CAMK2D: variants seen among roughly 807,000 people sequenced by gnomAD.
CAMK2D encodes the protein calcium/calmodulin dependent protein kinase II delta.
A neutral mutation model predicts 84.0 loss-of-function variants in CAMK2D; 37 were observed. The observed-to-expected ratio is 0.44, with a 90% CI of 0.34 to 0.58. The LOEUF (loss-of-function observed/expected upper bound fraction) is 0.58, where lower values mean the gene tolerates loss of function less well. CAMK2D is among the 20% of genes least tolerant of loss of function. The pLI is 0.02. For synonymous variants in CAMK2D, 202 were observed against 212.5 expected, an observed-to-expected ratio of 0.95 and a Z score of 0.43; for missense variants, 448 against 652.5, an observed-to-expected ratio of 0.69 and a Z score of 3.41.
chr4:113,552,106 TA>T lies in CAMK2D; in HGVS notation c.276-11del. ...TTCACCTCCAGTAACTCTGGGAAGA[TA>T]AAAAACATAATCACTTTTAAAAAGA... On this transcript the variant is annotated splice_polypyrimidine_tract_variant and intron_variant, in intron 4 of 20. Transcript: ENST00000511664. 2 of 1,498,334 alleles carry T rather than the reference TA, an allele frequency of 1.3e-6. No homozygotes were observed. Among genetic ancestry groups the T allele is most frequent in the Non-Finnish European group, 1.8e-6 (2 of 1,084,054 alleles). The allele number at this position is 1,498,334 out of a possible 1,614,324, so 92.8% of individuals were successfully genotyped here. A position where few individuals can be genotyped will look rare whatever the true frequency, so the allele number is the denominator to read the frequency against.
intron 16 of CAMK2D, among the ~76,000 whole-genome samples, chr4:113,471,980 A>G (rs1292460291): frequency 6.6e-6 from 1 of 152,086 alleles, no homozygotes; most frequent in Non-Finnish European, 1.5e-5. Flanking sequence ...TGGCTCTTTG[A>G]TAACTGTACT....
chr4:113,566,029 G>A (rs2098722206), intron 4 of CAMK2D, among the ~76,000 whole-genome samples: 1 of 152,042 alleles, frequency 6.6e-6, no homozygotes, highest in Non-Finnish European at 1.5e-5. Flanking sequence ...TATTTATTCT[G>A]TGAAGTTATT....
At chr4:113,596,512 T>C (rs1357187160) in intron 4 of CAMK2D, among the ~76,000 whole-genome samples, 1 of 152,186 alleles carries the variant, frequency 6.6e-6, no homozygotes, top group Non-Finnish European at 1.5e-5. Context: ...TTAATAATAA[T>C]ACTTAAAAGA....
At chr4:113,694,171 A>G (rs1469428013) in intron 2 of CAMK2D, among the ~76,000 whole-genome samples, 1 of 152,200 alleles carries the variant, frequency 6.6e-6, no homozygotes, top group Non-Finnish European at 1.5e-5. Context: ...TGGAAATACC[A>G]TATGATATCA....
rs545349221 is a variant in CAMK2D at position 113,575,488 on chromosome 4, A to T, written c.276-23392T>A. ...AATATAATTTTCTTAAAGACCCCGG[A>T]TCATAATTATGATTATACAATTCTG... On this transcript the variant is annotated intron_variant, in intron 4 of 20. Transcript: ENST00000511664. Among the ~76,000 whole-genome samples, 3 of 152,330 alleles carry T rather than the reference A, an allele frequency of 2.0e-5. No individual in the cohort carries two copies. In the South Asian group the frequency reaches 6.2e-4, roughly 32 times the overall value.
At chr4:113,538,017 A>G (rs1336413111) in intron 6 of CAMK2D, among the ~76,000 whole-genome samples, 4 of 152,128 alleles carry the variant, frequency 2.6e-5, no homozygotes, top group Non-Finnish European at 5.9e-5. Context: ...TGTCTTTAAG[A>G]ATCTGTTTAT....
intron 2 of CAMK2D, among the ~76,000 whole-genome samples, chr4:113,682,071 A>C (rs1049342565): frequency 3.9e-5 from 6 of 152,172 alleles, no homozygotes; most frequent in African/African-American, 1.4e-4. Flanking sequence ...GAAATTGCTA[A>C]GCTTAATTTT....
At chr4:113,691,539 G>A (rs946756789) in intron 2 of CAMK2D, among the ~76,000 whole-genome samples, 2 of 152,150 alleles carry the variant, frequency 1.3e-5, no homozygotes, top group Admixed American at 6.5e-5. Context: ...GATCACTTGA[G>A]GTCAGGGGTT....
At chr4:113,641,577 A>G (rs7438925) in intron 3 of CAMK2D, among the ~76,000 whole-genome samples, 45,612 of 152,102 alleles carry the variant, frequency 0.3, 8,436 homozygotes, top group African/African-American at 0.53. Context: ...CTAGAGAGCT[A>G]CAGAGTTTAA....
At chr4:113,679,871 A>G (rs2099335554) in intron 2 of CAMK2D, among the ~76,000 whole-genome samples, 1 of 152,150 alleles carries the variant, frequency 6.6e-6, no homozygotes, top group South Asian at 2.1e-4. Flanking sequence ...GCCTCTCACA[A>G]TGATTTATTT....
chr4:113,462,266 ATGTGTG>A (rs143654780), intron 17 of CAMK2D, among the ~76,000 whole-genome samples: 108 of 109,922 alleles, frequency 9.8e-4, no homozygotes, highest in Middle Eastern at 4.3e-3. Flanking sequence ...ATATTTGGAA[ATGTGTG>A]TGTGTGTGTG....
chr4:113,456,806 G>A (rs1051809617), intron 19 of CAMK2D: 1 of 153,796 alleles, frequency 6.5e-6, no homozygotes, highest in East Asian at 1.9e-4. Flanking sequence ...CAATAAATAT[G>A]TGCCTAATCG....
At chr4:113,632,957 T>G (rs2099096000) in intron 3 of CAMK2D, among the ~76,000 whole-genome samples, 1 of 152,192 alleles carries the variant, frequency 6.6e-6, no homozygotes, top group Admixed American at 6.5e-5. Flanking sequence ...AGCCTTATGG[T>G]TTTCAAAAGG....
At chr4:113,731,407 G>A (rs2099568536) in intron 2 of CAMK2D, among the ~76,000 whole-genome samples, 1 of 152,130 alleles carries the variant, frequency 6.6e-6, no homozygotes, top group Non-Finnish European at 1.5e-5. Flanking sequence ...CTATTCAAAT[G>A]ATGCTCCTGC....
chr4:113,642,200 C>A (rs1166910601), intron 3 of CAMK2D, among the ~76,000 whole-genome samples: 1 of 152,118 alleles, frequency 6.6e-6, no homozygotes, highest in Non-Finnish European at 1.5e-5. Flanking sequence ...AAAAGTCAAA[C>A]TCACCCCAAA....
intron 2 of CAMK2D, among the ~76,000 whole-genome samples, chr4:113,709,648 C>T (rs1324191574): frequency 6.7e-6 from 1 of 148,618 alleles, no homozygotes; most frequent in African/African-American, 2.5e-5. Context: ...ATGCCAAATG[C>T]CATAAGGTAA....
intron 3 of CAMK2D, among the ~76,000 whole-genome samples, chr4:113,651,341 TA>T (rs2099171318): frequency 6.6e-6 from 1 of 152,176 alleles, no homozygotes; most frequent in African/African-American, 2.4e-5. Flanking sequence ...CAAACACTTC[TA>T]CCTATGGAGC....
intron 8 of CAMK2D, among the ~76,000 whole-genome samples, chr4:113,521,778 A>ATACTT (rs1281659869): frequency 6.6e-6 from 1 of 152,174 alleles, no homozygotes; most frequent in Non-Finnish European, 1.5e-5. Context: ...TTTTAGAGAT[A>ATACTT]TACTTTAAAA....
At chr4:113,571,460 G>T (rs939158150) in intron 4 of CAMK2D, among the ~76,000 whole-genome samples, 3 of 152,186 alleles carry the variant, frequency 2.0e-5, no homozygotes, top group Admixed American at 6.5e-5. Context: ...CCTTTAAAAA[G>T]AAGGGAATCT....
Sources: gnomAD v4.1 joint callset for allele counts (sites outside exome capture counted in the v4.1 genomes callset) on GRCh38, gnomAD v4.1.1 for gene constraint, MANE v1.5 for transcripts, NCBI Gene and HGNC (gene_info 2026-07-23, HGNC 2026-07-21) for gene names.